PLA1A: variants seen among roughly 807,000 people sequenced by gnomAD.
The protein encoded by PLA1A is phosphatidylserine-specific phospholipase A1alpha.
In PLA1A, 47 loss-of-function variants were observed where a neutral mutation model predicts 49.4. The observed-to-expected ratio is 0.95, with a 90% confidence interval of 0.75 to 1.21. The LOEUF is 1.21. Ranked by LOEUF, PLA1A falls within the 50% of genes most tolerant of loss-of-function variation. The pLI is 0.00. For missense variants in PLA1A, 561 were observed against 563.9 expected, an observed-to-expected ratio of 0.99 and a Z score of 0.05; for synonymous variants, 224 against 207.9, an observed-to-expected ratio of 1.08 and a Z score of -0.67.
chr3:119,628,770 G>A lies in PLA1A; in HGVS notation c.1191G>A (p.Val397=). The change falls in exon 10 of 11, where the codon GTG becomes GTA. Residue 397 remains valine (V), a synonymous_variant. Transcript: ENST00000273371. ...HATPQCQINQ[V]KFKFQSSNRV... is the part of the protein sequence containing the mutation. ...CCCCACAATGCCAGATAAACCAAGT[G>A]AAATTCAAGTTTCAGTCTTCCAACC... 4 of 1,614,096 alleles carry A rather than the reference G, an allele frequency of 2.5e-6. No individual in the cohort carries two copies. Among genetic ancestry groups the A allele is most frequent in the South Asian group, 1.1e-5 (1 of 91,076 alleles).
intron 1 of PLA1A, among the ~76,000 whole-genome samples, chr3:119,601,772 C>G (rs576423039): frequency 6.6e-6 from 1 of 152,230 alleles, no homozygotes; most frequent in South Asian, 2.1e-4. Context: ...TTATCTGTTC[C>G]CTGTTCTAAA....
chr3:119,623,611 G>A (rs989041595), intron 8 of PLA1A, among the ~76,000 whole-genome samples: 2 of 152,154 alleles, frequency 1.3e-5, no homozygotes, highest in South Asian at 2.1e-4. Context: ...ACCAGCGGCT[G>A]CAGGGAGAGG....
rs376059441 is a variant in PLA1A, at chr3:119,605,934, G to A, written c.74-840G>A. The stretch of plus-strand genomic sequence containing the variant: ...TGTCATCTATCTAGGCTATGGGCTG[G>A]GCACTGGAAGGCTATGGCAGGGCTC... On this transcript the variant is annotated intron_variant, in intron 1 of 10. Coordinates refer to ENST00000273371, the MANE Select transcript of PLA1A (RefSeq NM_015900.4). 1.8e-4 allele frequency among the ~76,000 whole-genome samples: 28 copies of A among 152,314 alleles called. No homozygotes were observed. In the South Asian group the frequency reaches 5.2e-3, roughly 28 times the overall value.
intron 5 of PLA1A, among the ~76,000 whole-genome samples, chr3:119,613,857 C>T (rs1162492003): frequency 2.0e-5 from 3 of 151,184 alleles, no homozygotes; most frequent in Non-Finnish European, 4.4e-5. Flanking sequence ...CGCGCTACTG[C>T]ACGCCAGCCT....
intron 2 of PLA1A, among the ~76,000 whole-genome samples, 171 bp from the exon 3 acceptor site, chr3:119,608,599 A>G (rs1361868872): frequency 6.6e-6 from 1 of 152,236 alleles, no homozygotes; most frequent in East Asian, 1.9e-4. Context: ...AGGGCTGGCA[A>G]CTTTGGAATT....
chr3:119,607,068 G>A (rs2082699311), intron 2 of PLA1A, 93 bp downstream of exon 2: 1 of 1,007,716 alleles, frequency 9.9e-7, no homozygotes, highest in African/African-American at 1.6e-5. Context: ...GGGGAGGAAT[G>A]AATTTACCAA....
chr3:119,618,586 C>T (rs1164504162), intron 7 of PLA1A, among the ~76,000 whole-genome samples: 1 of 152,170 alleles, frequency 6.6e-6, no homozygotes, highest in Admixed American at 6.5e-5. Flanking sequence ...ACCTACATTA[C>T]AGGTCGGATA....
chr3:119,600,658 C>T (rs565868492), intron 1 of PLA1A, among the ~76,000 whole-genome samples: 2 of 152,326 alleles, frequency 1.3e-5, no homozygotes, highest in South Asian at 4.1e-4. Flanking sequence ...CTGCAGTCCT[C>T]ATCTCTACTT....
At chr3:119,608,565 A>T (rs555828448) in intron 2 of PLA1A, among the ~76,000 whole-genome samples, 2 of 152,212 alleles carry the variant, frequency 1.3e-5, no homozygotes, top group African/African-American at 4.8e-5. Context: ...TAATTTACAC[A>T]AAGACTGCAT....
chr3:119,606,409 C>T (rs1004861862), intron 1 of PLA1A, among the ~76,000 whole-genome samples: 4 of 152,096 alleles, frequency 2.6e-5, no homozygotes, highest in African/African-American at 9.7e-5. Flanking sequence ...TTTGTGAAGA[C>T]CCCATCTCCA....
intron 2 of PLA1A, 92 bp downstream of exon 2, chr3:119,607,067 T>A: frequency 2.0e-6 from 2 of 1,015,702 alleles, no homozygotes; most frequent in Non-Finnish European, 3.1e-6. Context: ...AGGGGAGGAA[T>A]GAATTTACCA....
intron 2 of PLA1A, among the ~76,000 whole-genome samples, chr3:119,607,841 T>C (rs1281253258): frequency 1.3e-5 from 2 of 152,150 alleles, no homozygotes; most frequent in African/African-American, 4.8e-5. Context: ...CTCTGTCTGC[T>C]CTTAAATCCC....
chr3:119,621,019 C>G (rs1166202872), intron 8 of PLA1A, among the ~76,000 whole-genome samples: 4 of 152,338 alleles, frequency 2.6e-5, no homozygotes, highest in Non-Finnish European at 2.9e-5. Flanking sequence ...CGTCTCAGCT[C>G]CCCTTCTGTC....
intron 5 of PLA1A, among the ~76,000 whole-genome samples, chr3:119,614,789 G>A (rs540946273): frequency 4.6e-5 from 7 of 151,880 alleles, no homozygotes; most frequent in East Asian, 1.9e-4. Context: ...ATTAAGCTAC[G>A]TGGCAGGTAC....
chr3:119,621,993 A>G (rs868290846), intron 8 of PLA1A, among the ~76,000 whole-genome samples: 1 of 152,010 alleles, frequency 6.6e-6, no homozygotes, highest in South Asian at 2.1e-4. Context: ...CTGAGGTGGG[A>G]GGGTTGCTTG....
In PLA1A at chr3:119,609,567, C is replaced by G. The variant is rs1207970813; in HGVS notation, c.553C>G (p.Gln185Glu). Residue 185 changes from glutamine to glutamate, a missense_variant, in exon 4 of 11, where the codon CAG becomes GAG. Gln to Glu is a conservative substitution (Grantham distance 29, BLOSUM62 2). Coordinates refer to ENST00000273371, the MANE Select transcript of PLA1A (RefSeq NM_015900.4). The stretch of plus-strand genomic sequence containing the variant: ...ACAGCTCTTCGGAGGCCAGCTGGGA[C>G]AGATCACAGGTAACATTCCTCCCTG... Reference protein sequence around the residue: ...VGQLFGGQLGQITGLDPAGPE... With the variant: ...VGQLFGGQLGEITGLDPAGPE... The G allele has an allele frequency of 6.3e-7, 1 of 1,578,936 alleles. No homozygotes were observed. The highest frequency in any genetic ancestry group is 2.2e-5 in the East Asian group (1 of 44,500).
rs566210071 is a variant in PLA1A at position 119,619,780 on chromosome 3, C to T, written c.1012+128C>T. The T allele has an allele frequency of 2.2e-4, 161 of 717,606 alleles. No individual in the cohort carries two copies. In the African/African-American group the frequency reaches 2.6e-3, roughly 12 times the overall value. The allele number at this position is 717,606 out of a possible 1,614,324, so 44.5% of individuals were successfully genotyped here. On this transcript the variant is annotated intron_variant, in intron 8 of 10. Transcript: ENST00000273371. ...CATCACCGGAGGTGTGGCAACAGCC[C>T]CTGGTCTGAACCAAAACTTTCAGAG...
Position 119,622,671 on chromosome 3 carries a change from A to G in PLA1A, c.1013-2453A>G, listed in dbSNP as rs117789973. ...AAATGAGAAAGTACAGGTAGAGTAG[A>G]GGCGAAGGATTGCATCTCTAGCTAT... On this transcript the variant is annotated intron_variant, in intron 8 of 10. Coordinates refer to ENST00000273371, the MANE Select transcript of PLA1A (RefSeq NM_015900.4). Among the ~76,000 whole-genome samples, 187 of 152,312 alleles carry G rather than the reference A, an allele frequency of 1.2e-3. 2 individuals carry two copies. In the South Asian group the frequency reaches 0.024, roughly 20 times the overall value.
chr3:119,626,783 A>G (rs2670288), intron 9 of PLA1A, among the ~76,000 whole-genome samples: 91,813 of 152,060 alleles, frequency 0.6, 29,186 homozygotes, highest in East Asian at 0.89. Context: ...GCTCACCCAA[A>G]GTCACACAGC....
Sources: allele counts gnomAD v4.1 joint callset (sites outside exome capture counted in the v4.1 genomes callset), GRCh38; gene constraint gnomAD v4.1.1; transcripts MANE v1.5; gene names NCBI Gene and HGNC (gene_info 2026-07-23, HGNC 2026-07-21).